The following ERBB4 variants were observed in gnomAD, a reference collection of about 807,000 sequenced individuals.
ERBB4 encodes erb-b2 receptor tyrosine kinase 4, also known as receptor tyrosine-protein kinase erbB-4.
Under a neutral mutation model 158.0 loss-of-function variants are expected in ERBB4, and 42 were observed. The observed-to-expected ratio is 0.27, with a 90% CI of 0.21 to 0.34. The LOEUF (loss-of-function observed/expected upper bound fraction) is 0.34. ERBB4 is among the 10% of genes least tolerant of loss of function. The probability of loss-of-function intolerance (pLI) is 1.00; values close to 1 mark genes in which losing one functional copy is unlikely to be tolerated. For synonymous variants in ERBB4, 583 were observed against 558.7 expected, an observed-to-expected ratio of 1.04 and a Z score of -0.61; for missense variants, 1,333 against 1,624.1, an observed-to-expected ratio of 0.82 and a Z score of 3.08.
In ERBB4 at chr2:211,785,639, A is replaced by T. The variant is rs762787393; in HGVS notation, c.556+2386T>A. ...CCCAAGTTCAATCTTTTGCACATGGATATCCAGTTTTCCCAACACCATTTG... is the reference window on the plus strand; with the variant it reads ...CCCAAGTTCAATCTTTTGCACATGGTTATCCAGTTTTCCCAACACCATTTG... On this transcript the variant is annotated intron_variant, in intron 4 of 27. Coordinates refer to ENST00000342788, the MANE Select transcript of ERBB4 (RefSeq NM_005235.3). Among the ~76,000 whole-genome samples, 13 of 152,226 alleles carry T rather than the reference A, an allele frequency of 8.5e-5. No homozygotes were observed. In the South Asian group the frequency reaches 1.7e-3, roughly 19 times the overall value.
At chr2:212,045,382 T>C (rs1463158888) in intron 2 of ERBB4, among the ~76,000 whole-genome samples, 1 of 152,132 alleles carries the variant, frequency 6.6e-6, no homozygotes, top group Non-Finnish European at 1.5e-5. Context: ...CACTTGAACC[T>C]GGGAGACAGA....
At chr2:211,480,404 G>A (rs2065053355) in intron 20 of ERBB4, among the ~76,000 whole-genome samples, 4 of 152,162 alleles carry the variant, frequency 2.6e-5, no homozygotes, top group Admixed American at 2.6e-4. Flanking sequence ...TCTTGTGATA[G>A]TGAGAGAGTT....
At chr2:212,165,430 G>T (rs745907589) in intron 1 of ERBB4, among the ~76,000 whole-genome samples, 14 of 151,830 alleles carry the variant, frequency 9.2e-5, no homozygotes, top group Non-Finnish European at 1.6e-4. Context: ...TCTCTGATTT[G>T]CAGAGAGGGT....
chr2:212,401,630 T>C (rs2091206488), intron 1 of ERBB4, among the ~76,000 whole-genome samples: 1 of 152,144 alleles, frequency 6.6e-6, no homozygotes, highest in Admixed American at 6.6e-5. Context: ...ATAATAAATG[T>C]TCTCATTTCA....
At chr2:211,927,247 T>C (rs2080041212) in intron 3 of ERBB4, among the ~76,000 whole-genome samples, 1 of 152,166 alleles carries the variant, frequency 6.6e-6, no homozygotes, top group Non-Finnish European at 1.5e-5. Flanking sequence ...AGTGACTTAT[T>C]GGTTAAAACA....
intron 1 of ERBB4, among the ~76,000 whole-genome samples, chr2:212,243,649 A>G (rs192965047): frequency 6.6e-6 from 1 of 152,242 alleles, no homozygotes; most frequent in African/African-American, 2.4e-5. Context: ...TTTTCAGGCA[A>G]TCTAGATTAC....
intron 1 of ERBB4, among the ~76,000 whole-genome samples, chr2:212,195,284 C>T (rs536707582): frequency 7.9e-5 from 12 of 151,894 alleles, no homozygotes; most frequent in African/African-American, 2.9e-4. Context: ...CAGTTGTTAG[C>T]TACAATTTGC....
chr2:212,470,465 A>G (rs1221121174), intron 1 of ERBB4, among the ~76,000 whole-genome samples: 1 of 152,112 alleles, frequency 6.6e-6, no homozygotes, highest in Non-Finnish European at 1.5e-5. Context: ...ACCTGGGCCA[A>G]TCAGAGACCT....
chr2:211,499,253 C>T (rs769768908), intron 20 of ERBB4, among the ~76,000 whole-genome samples: 1 of 151,952 alleles, frequency 6.6e-6, no homozygotes, highest in African/African-American at 2.4e-5. Flanking sequence ...GGCCGGGTGC[C>T]GTGGCTCACG....
At chr2:211,832,627 T>C (rs1388067099) in intron 3 of ERBB4, among the ~76,000 whole-genome samples, 1 of 150,530 alleles carries the variant, frequency 6.6e-6, no homozygotes, top group East Asian at 1.9e-4. Flanking sequence ...TATACATATA[T>C]ATACACACAT....
At chr2:211,513,227 T>C (rs1023971813) in intron 20 of ERBB4, among the ~76,000 whole-genome samples, 1 of 151,260 alleles carries the variant, frequency 6.6e-6, no homozygotes, top group East Asian at 1.9e-4. Context: ...TTAGTGAGAG[T>C]GCAATGGAAA....
chr2:212,176,857 C>G (rs2081679376), intron 1 of ERBB4, among the ~76,000 whole-genome samples: 1 of 151,908 alleles, frequency 6.6e-6, no homozygotes. Context: ...ATCTGCTTTG[C>G]TCAGCATTAT....
chr2:212,060,209 A>T (rs1016581005), intron 2 of ERBB4, among the ~76,000 whole-genome samples: 1 of 152,210 alleles, frequency 6.6e-6, no homozygotes, highest in East Asian at 1.9e-4. Context: ...CATGAAAAAA[A>T]TGCTCATCAT....
intron 2 of ERBB4, among the ~76,000 whole-genome samples, chr2:211,987,870 C>A (rs1026013504): frequency 2.6e-5 from 4 of 152,114 alleles, no homozygotes; most frequent in Non-Finnish European, 5.9e-5. Flanking sequence ...TTTTTAATAT[C>A]TTGTCCATTT....
intron 4 of ERBB4, 125 bp downstream of exon 4, chr2:211,787,900 T>A: frequency 1.1e-6 from 1 of 901,046 alleles, no homozygotes; most frequent in Non-Finnish European, 1.8e-6. Flanking sequence ...CTGCCATATA[T>A]AACTGAACAT....
chr2:212,353,802 GT>G (rs1024473049), intron 1 of ERBB4, among the ~76,000 whole-genome samples: 30 of 58,650 alleles, frequency 5.1e-4, no homozygotes, highest in Admixed American at 8.6e-4. Context: ...AATGTCCCCT[GT>G]TACACTTGAA....
intron 3 of ERBB4, among the ~76,000 whole-genome samples, chr2:211,897,917 C>T (rs1044649983): frequency 5.9e-5 from 9 of 151,526 alleles, no homozygotes; most frequent in South Asian, 2.1e-4. Context: ...CAACAGTGCC[C>T]GGTTAATATT....
intron 2 of ERBB4, among the ~76,000 whole-genome samples, chr2:211,970,766 G>A (rs1025608463): frequency 6.6e-6 from 1 of 152,120 alleles, no homozygotes; most frequent in Non-Finnish European, 1.5e-5. Context: ...GAGCCTATGT[G>A]TGTCATAGCA....
Position 211,923,567 on chromosome 2 carries a change from G to C in ERBB4, c.421+23863C>G, listed in dbSNP as rs867237214. 6.6e-5 allele frequency among the ~76,000 whole-genome samples: 10 copies of C among 152,074 alleles called. No homozygotes were observed. The South Asian group carries it at 1.9e-3, about 28-fold the overall frequency. ...GATGGTGTTGGAGATTATGCCTTGT[G>C]CTGCCTTGCTGAGTGCAGAAAATGA... On this transcript the variant is annotated intron_variant, in intron 3 of 27. Coordinates refer to ENST00000342788, the MANE Select transcript of ERBB4 (RefSeq NM_005235.3).
Sources: allele counts gnomAD v4.1 joint callset (sites outside exome capture counted in the v4.1 genomes callset), GRCh38; gene constraint gnomAD v4.1.1; transcripts MANE v1.5; gene names NCBI Gene and HGNC (gene_info 2026-07-23, HGNC 2026-07-21).